VPS52: variants seen among roughly 807,000 people sequenced by gnomAD.
The protein encoded by VPS52 is vacuolar protein sorting-associated protein 52 homolog.
In VPS52, 56 loss-of-function variants were observed where a neutral mutation model predicts 98.7. The observed-to-expected ratio is 0.57, with a 90% confidence interval of 0.46 to 0.71. The LOEUF (loss-of-function observed/expected upper bound fraction) is 0.71, where lower values mean the gene tolerates loss of function less well. VPS52 is among the 30% of genes least tolerant of loss of function. The probability of loss-of-function intolerance (pLI) is 0.00; values close to 1 mark genes in which losing one functional copy is unlikely to be tolerated. For missense variants in VPS52, 742 were observed against 925.9 expected (o/e 0.80, Z 2.58); for synonymous variants, 348 against 346.4 (o/e 1.00, Z -0.05).
chr6:33,271,736 C>A lies in VPS52; in HGVS notation c.-61G>T. ...GGCGAGTCCGTTCCCCGGAGTGGAG[C>A]TACAAGTCCCAAAGGGTCTTCCTCA... On this transcript the variant is annotated 5_prime_UTR_variant, in exon 1 of 20. Coordinates refer to ENST00000445902, the MANE Select transcript of VPS52 (RefSeq NM_022553.6). 6.5e-7 allele frequency: 1 copy of A among 1,543,362 alleles called. No individual in the cohort carries two copies. The highest frequency in any genetic ancestry group is 8.7e-7 in the Non-Finnish European group (1 of 1,143,098).
intron 17 of VPS52, among the ~76,000 whole-genome samples, chr6:33,252,991 T>C (rs1011376702): frequency 1.3e-5 from 2 of 152,016 alleles, no homozygotes; most frequent in African/African-American, 2.4e-5. Flanking sequence ...TACACACTTA[T>C]GAGAAATACA....
chr6:33,261,061 C>A (rs1333478097), intron 17 of VPS52, among the ~76,000 whole-genome samples: 2 of 151,582 alleles, frequency 1.3e-5, no homozygotes, highest in Non-Finnish European at 2.9e-5. Flanking sequence ...CCAGCCCAGG[C>A]AACAGTTGTC....
rs767727032 is a variant in VPS52, at chr6:33,271,618, TC to T, written c.57del (p.Thr20ProfsTer50). 4.3e-6 allele frequency: 7 copies of T among 1,611,560 alleles called. No homozygotes were observed. Among genetic ancestry groups the T allele is most frequent in the Non-Finnish European group, 5.9e-6 (7 of 1,179,210 alleles). On this transcript the variant is annotated frameshift_variant, in exon 1 of 20. Coordinates refer to ENST00000445902, the MANE Select transcript of VPS52 (RefSeq NM_022553.6). LOFTEE classifies it high-confidence loss of function. ...AAARELVLRA[G>X]TSDMEEEEGP... ...CCCTCTTCCTCCTCCATATCTGAGGTCCCAGCCCGCAACACCAGTTCCCGGG... is the reference window on the plus strand; with the variant it reads ...CCCTCTTCCTCCTCCATATCTGAGGTCCAGCCCGCAACACCAGTTCCCGGG...
chr6:33,266,665 G>T lies in VPS52; in HGVS notation c.1173C>A (p.Asp391Glu), dbSNP rs141154095. 6.2e-7 allele frequency: 1 copy of T among 1,612,926 alleles called. No homozygotes were observed. The highest frequency in any genetic ancestry group is 8.5e-7 in the Non-Finnish European group (1 of 1,179,952). The stretch of plus-strand genomic sequence containing the variant: ...TGAAAAGGTATTCGCGGCAGGAATT[G>T]TCTAGGAGGGCGTAGTGCTGGCTGC... ...LFRSQHYALLDNSCREYLFIC... is the reference protein window; with the variant it reads ...LFRSQHYALLENSCREYLFIC... Residue 391 changes from aspartate to glutamate, a missense_variant, in exon 12 of 20, where the codon GAC becomes GAA. Coordinates refer to ENST00000445902, the MANE Select transcript of VPS52 (RefSeq NM_022553.6).
intron 1 of VPS52, chr6:33,271,243 G>A: frequency 1.7e-6 from 1 of 605,488 alleles, no homozygotes; most frequent in Non-Finnish European, 2.9e-6. Flanking sequence ...ATGGCACAGA[G>A]AAGCTGGTTA....
intron 12 of VPS52, 136 bp from the exon 13 acceptor site, chr6:33,265,036 T>C (rs1338111407): frequency 8.7e-6 from 7 of 801,770 alleles, no homozygotes; most frequent in Non-Finnish European, 1.3e-5. Flanking sequence ...AAAATGGAAC[T>C]GCCCCCTGCT....
rs748330359 is a variant in VPS52 at position 33,269,011 on chromosome 6, C to T, written c.548+3G>A. The T allele has an allele frequency of 1.2e-6, 2 of 1,611,862 alleles. No individual in the cohort carries two copies. The highest frequency in any genetic ancestry group is 1.7e-6 in the Non-Finnish European group (2 of 1,179,832). ...ATTATAACCCTTCAAACTGGTAACT[C>T]ACGTGACCAGAGCAGAAGGCACCAC... is the stretch of plus-strand genomic sequence containing the variant. On this transcript the variant is annotated splice_donor_region_variant and intron_variant, in intron 6 of 19. Transcript: ENST00000445902.
Position 33,268,391 on chromosome 6 carries a change from G to T in VPS52, c.699+108C>A. 6.9e-7 allele frequency: 1 copy of T among 1,438,908 alleles called. No individual in the cohort carries two copies. The allele number at this position is 1,438,908 out of a possible 1,614,324, so 89.1% of individuals were successfully genotyped here. On this transcript the variant is annotated intron_variant, in intron 7 of 19. Transcript: ENST00000445902. The surrounding 1 kb of genome is among the most constrained non-coding windows in gnomAD (Gnocchi z 4.0). ...TGGGGCTGCCCAGAAAAGGCAGGGT[G>T]AAGTCCCTGGAGACAGGCTACAGTG...
At chr6:33,266,406 T>G in intron 12 of VPS52, 151 bp downstream of exon 12, 1 of 999,788 alleles carries the variant, frequency 1.0e-6, no homozygotes, top group Non-Finnish European at 1.4e-6. Flanking sequence ...GTGCTGGGAT[T>G]ATGGGTGTGC....
chr6:33,260,377 TTGC>T (rs1763485685), intron 17 of VPS52, among the ~76,000 whole-genome samples: 3 of 151,976 alleles, frequency 2.0e-5, no homozygotes, highest in Admixed American at 6.6e-5. Flanking sequence ...CTTTTTTGCC[TTGC>T]TGTTTTCTTG....
chr6:33,266,839 G>T, intron 11 of VPS52, 127 bp from the exon 12 acceptor site: 1 of 1,259,194 alleles, frequency 7.9e-7, no homozygotes, highest in Non-Finnish European at 1.1e-6. Flanking sequence ...CATCTATCTA[G>T]GTCCGGGCTG....
intron 17 of VPS52, among the ~76,000 whole-genome samples, chr6:33,255,728 G>C (rs1762860299): frequency 6.6e-6 from 1 of 150,776 alleles, no homozygotes; most frequent in Non-Finnish European, 1.5e-5. Flanking sequence ...GGGAGGCGGA[G>C]CTTGCAGTGA....
intron 11 of VPS52, among the ~76,000 whole-genome samples, chr6:33,266,982 GTC>G (rs1451081560): frequency 6.6e-6 from 1 of 152,132 alleles, no homozygotes; most frequent in Non-Finnish European, 1.5e-5. Flanking sequence ...CCCTCATCCA[GTC>G]TCTCCCCTCT....
chr6:33,271,641 C>G lies in VPS52; in HGVS notation c.35G>C (p.Arg12Pro). The G allele has an allele frequency of 6.2e-7, 1 of 1,610,718 alleles. No homozygotes were observed. Among genetic ancestry groups the G allele is most frequent in the Non-Finnish European group, 8.5e-7 (1 of 1,178,218 alleles). Residue 12 changes from arginine to proline, a missense_variant, in exon 1 of 20, where the codon CGG becomes CCG. Arg to Pro is a moderately radical substitution (Grantham distance 103). This residue lies in a region of VPS52 where 152 missense variants were observed against 132.6 expected (regional missense o/e 1.15). Transcript: ENST00000445902. Reference protein sequence around the residue: ...AAAATMAAAARELVLRAGTSD... With the variant: ...AAAATMAAAAPELVLRAGTSD... Reference sequence around the variant, plus strand: ...GGTCCCAGCCCGCAACACCAGTTCCCGGGCCGCAGCCGCCATGGTCGCAGC... The same window carrying G: ...GGTCCCAGCCCGCAACACCAGTTCCGGGGCCGCAGCCGCCATGGTCGCAGC...
rs1281639847 is a variant in VPS52 at position 33,263,520 on chromosome 6, A to C, written c.1758T>G (p.Val586=). Residue 586 remains valine (V), a synonymous_variant, in exon 17 of 20, where the codon GTT becomes GTG. Coordinates refer to ENST00000445902, the MANE Select transcript of VPS52 (RefSeq NM_022553.6). ...CATTGAGCAGCTGCTGGAAGCTCTC[A>C]ACCTCTTTGCTGTCATCTGCAGCCC... ...MERAADDSKE[V]ESFQQLLNAR... The C allele has an allele frequency of 1.2e-6, 2 of 1,613,896 alleles. No individual in the cohort carries two copies. The highest frequency in any genetic ancestry group is 1.7e-6 in the Non-Finnish European group (2 of 1,180,010).
At chr6:33,265,291 G>A (rs542359178) in intron 12 of VPS52, among the ~76,000 whole-genome samples, 95 of 152,244 alleles carry the variant, frequency 6.2e-4, no homozygotes, top group African/African-American at 2.2e-3. Context: ...GGTCAAGCTG[G>A]TCTCGAACTC....
chr6:33,267,402 G>C lies in VPS52; in HGVS notation c.992-81C>G. ...CACTATCTGTGGGGACCCCAGACAG[G>C]CAGACGTGGCCTAGCCAGCCCTCTT... On this transcript the variant is annotated intron_variant, in intron 10 of 19. Coordinates refer to ENST00000445902, the MANE Select transcript of VPS52 (RefSeq NM_022553.6). This position sits in a 1 kb window ranked among gnomAD's most constrained non-coding sequence, Gnocchi z 4.2. 1.3e-6 allele frequency: 2 copies of C among 1,510,948 alleles called. No individual in the cohort carries two copies. Among genetic ancestry groups the C allele is most frequent in the Non-Finnish European group, 1.8e-6 (2 of 1,130,832 alleles). 93.6% of individuals were successfully genotyped at this position (1,510,948 alleles called of 1,614,324 possible).
At position 33,267,641 on chromosome 6, in the gene VPS52, C is replaced by T. The variant is rs1359941689; in HGVS notation, c.991+41G>A. The T allele has an allele frequency of 2.5e-6, 4 of 1,610,920 alleles. No homozygotes were observed. The highest frequency in any genetic ancestry group is 3.4e-6 in the Non-Finnish European group (4 of 1,178,734). On this transcript the variant is annotated intron_variant, in intron 10 of 19. Transcript: ENST00000445902. The surrounding 1 kb of genome is among the most constrained non-coding windows in gnomAD (Gnocchi z 4.2). ...GTGGCTGGAGTCGAAAGTCCTCCCACTCTCAAGGCCTGGCATGAGGGTTCC... is the reference window on the plus strand; with the variant it reads ...GTGGCTGGAGTCGAAAGTCCTCCCATTCTCAAGGCCTGGCATGAGGGTTCC...
At chr6:33,261,125 AC>A (rs1763583105) in intron 17 of VPS52, among the ~76,000 whole-genome samples, 2 of 152,266 alleles carry the variant, frequency 1.3e-5, no homozygotes, top group Admixed American at 1.3e-4. Context: ...GCACACACCT[AC>A]AGTAAACTCA....
Sources: gnomAD v4.1 joint callset for allele counts (sites outside exome capture counted in the v4.1 genomes callset) on GRCh38, gnomAD v4.1.1 for gene constraint, gnomAD v4.1.1 regional missense constraint, Gnocchi (gnomAD v3.1) non-coding constraint, MANE v1.5 for transcripts, NCBI Gene and HGNC (gene_info 2026-07-23, HGNC 2026-07-21) for gene names.